ROBO1: variants seen among roughly 807,000 people sequenced by gnomAD.
ROBO1 encodes the protein roundabout homolog 1.
A neutral mutation model predicts 195.9 loss-of-function variants in ROBO1; 149 were observed. The observed-to-expected ratio is 0.76, with a 90% CI of 0.67 to 0.87. The LOEUF (loss-of-function observed/expected upper bound fraction) is 0.87, where lower values mean the gene tolerates loss of function less well. Among genes scored for constraint, ROBO1 ranks in the 40% least tolerant of loss-of-function variants. The pLI, the probability that ROBO1 is intolerant of heterozygous loss-of-function variation, is 0.00. For synonymous variants in ROBO1, 816 were observed against 733.2 expected, an observed-to-expected ratio of 1.11 and a Z score of -1.82; for missense variants, 1,933 against 2,068.3, an observed-to-expected ratio of 0.93 and a Z score of 1.27.
chr3:78,784,587 C>G (rs1265379132), intron 4 of ROBO1, among the ~76,000 whole-genome samples: 1 of 128,312 alleles, frequency 7.8e-6, no homozygotes, highest in Non-Finnish European at 1.7e-5. Context: ...TAACAATGAA[C>G]TTAAAAGTAA....
chr3:79,585,475 A>G (rs1003684371), intron 2 of ROBO1, among the ~76,000 whole-genome samples: 1 of 152,024 alleles, frequency 6.6e-6, no homozygotes, highest in Admixed American at 6.6e-5. Flanking sequence ...AGAAATATTT[A>G]TTATGAGATG....
intron 2 of ROBO1, among the ~76,000 whole-genome samples, chr3:79,467,440 A>C (rs1416109429): frequency 4.6e-5 from 7 of 151,182 alleles, no homozygotes; most frequent in Admixed American, 4.6e-4. Context: ...ACCCACATAA[A>C]CCCCAAACAC....
At chr3:78,742,734 A>G (rs2082562438) in intron 5 of ROBO1, among the ~76,000 whole-genome samples, 1 of 152,196 alleles carries the variant, frequency 6.6e-6, no homozygotes. Flanking sequence ...AAATGATTTA[A>G]AAGTTATTTA....
At chr3:79,372,743 A>T (rs1274279710) in intron 2 of ROBO1, among the ~76,000 whole-genome samples, 2 of 152,188 alleles carry the variant, frequency 1.3e-5, no homozygotes, top group African/African-American at 4.8e-5. Flanking sequence ...CAGTTTCCAG[A>T]ACTGTGAGAA....
intron 1 of ROBO1, among the ~76,000 whole-genome samples, chr3:79,619,787 G>C (rs2107969978): frequency 6.6e-6 from 1 of 152,136 alleles, no homozygotes; most frequent in African/African-American, 2.4e-5. Flanking sequence ...GACCCAGAGG[G>C]GACAGAAAAC....
At chr3:79,310,316 G>A (rs2033422624) in intron 2 of ROBO1, among the ~76,000 whole-genome samples, 1 of 152,166 alleles carries the variant, frequency 6.6e-6, no homozygotes. Context: ...TATTTATCAT[G>A]CTGCAAGAAA....
At position 78,710,136 on chromosome 3, in the gene ROBO1, C is replaced by T. The variant is rs78367443; in HGVS notation, c.1045+4261G>A. On this transcript the variant is annotated intron_variant, in intron 8 of 30. Coordinates refer to ENST00000464233, the MANE Select transcript of ROBO1 (RefSeq NM_002941.4). ...CCAGGTTGGAGTGCAAGGCAGGGTT[C>T]GCAGCTCACTGAAACTTCCCACTCG... is the stretch of plus-strand genomic sequence containing the variant. 1.0e-3 allele frequency among the ~76,000 whole-genome samples: 159 copies of T among 152,162 alleles called. 3 individuals carry two copies. In the East Asian group the frequency reaches 0.028, roughly 26 times the overall value.
chr3:78,639,954 C>T, intron 21 of ROBO1, 56 bp from the exon 22 acceptor site: 1 of 1,347,136 alleles, frequency 7.4e-7, no homozygotes, highest in Non-Finnish European at 1.0e-6. Flanking sequence ...GTAATATTTT[C>T]TATTTAAAAT....
At chr3:79,723,526 C>T (rs1702787936) in intron 1 of ROBO1, among the ~76,000 whole-genome samples, 1 of 152,212 alleles carries the variant, frequency 6.6e-6, no homozygotes, top group South Asian at 2.1e-4. Flanking sequence ...CCCCTACTCC[C>T]TAAAATCATG....
chr3:78,742,635 C>G (rs2082560147), intron 5 of ROBO1, among the ~76,000 whole-genome samples: 1 of 152,144 alleles, frequency 6.6e-6, no homozygotes, highest in Non-Finnish European at 1.5e-5. Flanking sequence ...ACAAAACACA[C>G]AGATGGTCTT....
intron 5 of ROBO1, among the ~76,000 whole-genome samples, chr3:78,745,650 G>C (rs770988567): frequency 4.6e-5 from 7 of 152,120 alleles, no homozygotes; most frequent in Non-Finnish European, 1.0e-4. Flanking sequence ...TGACTCTGCA[G>C]CACCTCTTAT....
Position 78,712,046 on chromosome 3 carries a change from A to C in ROBO1, c.1045+2351T>G, listed in dbSNP as rs867692776. The stretch of plus-strand genomic sequence containing the variant: ...AAAAAAAAAAAAAAAAAAAAAAAAA[A>C]AAAACTCTCAAATCAGGGTTCTTTT... On this transcript the variant is annotated intron_variant, in intron 8 of 30. Transcript: ENST00000464233. Among the ~76,000 whole-genome samples, 50 of 149,582 alleles carry C rather than the reference A, an allele frequency of 3.3e-4. No homozygotes were observed. In the South Asian group the frequency reaches 8.7e-3, roughly 26 times the overall value.
intron 2 of ROBO1, among the ~76,000 whole-genome samples, chr3:79,164,504 T>C (rs578027170): frequency 5.5e-4 from 83 of 152,258 alleles, no homozygotes; most frequent in Non-Finnish European, 1.0e-3. Flanking sequence ...CTACCATCAC[T>C]CTCATCTTGA....
chr3:79,021,066 A>G lies in ROBO1; in HGVS notation c.173-82139T>C, dbSNP rs180959998. Among the ~76,000 whole-genome samples the G allele has an allele frequency of 3.8e-4, 58 of 152,310 alleles. No homozygotes were observed. In the East Asian group the frequency reaches 0.011, roughly 28 times the overall value. ...CGACATTTTGTGGAAACTCTGGTTA[A>G]CAGCACCTATCTTTGAAAGTGAAAG... On this transcript the variant is annotated intron_variant, in intron 3 of 30. Coordinates refer to ENST00000464233, the MANE Select transcript of ROBO1 (RefSeq NM_002941.4).
intron 1 of ROBO1, among the ~76,000 whole-genome samples, chr3:79,610,511 C>A (rs1048333937): frequency 7.9e-5 from 12 of 151,922 alleles, no homozygotes; most frequent in African/African-American, 2.9e-4. Context: ...TGAAATTTTA[C>A]AAAATATTGG....
chr3:79,660,298 G>T (rs1946292134), intron 1 of ROBO1, among the ~76,000 whole-genome samples: 1 of 151,668 alleles, frequency 6.6e-6, no homozygotes, highest in African/African-American at 2.4e-5. Context: ...CAGCTCAAAG[G>T]CTATACATTA....
chr3:78,842,952 A>T (rs2033374734), intron 4 of ROBO1, among the ~76,000 whole-genome samples: 2 of 152,134 alleles, frequency 1.3e-5, no homozygotes, highest in Non-Finnish European at 2.9e-5. Flanking sequence ...AGGGATTGGA[A>T]ACCATATAAA....
In ROBO1 at chr3:79,439,327, A is replaced by G. The variant is rs1324600042; in HGVS notation, c.88+150497T>C. On this transcript the variant is annotated intron_variant, in intron 2 of 30. Transcript: ENST00000464233. ...CAATCTTTTCCCTCAATTTTAGGGG[A>G]AAAATGTTTCACAGCAAAGCAGCCT... is the stretch of plus-strand genomic sequence containing the variant. Among the ~76,000 whole-genome samples, 7 of 152,092 alleles carry G rather than the reference A, an allele frequency of 4.6e-5. No homozygotes were observed. In the South Asian group the frequency reaches 6.2e-4, roughly 13 times the overall value.
intron 1 of ROBO1, among the ~76,000 whole-genome samples, chr3:79,729,636 T>A (rs1703064781): frequency 1.3e-5 from 2 of 152,218 alleles, no homozygotes; most frequent in African/African-American, 4.8e-5. Context: ...CTAAAGCTTA[T>A]ACACATAATT....
Sources: gnomAD v4.1 joint callset for allele counts (sites outside exome capture counted in the v4.1 genomes callset) on GRCh38, gnomAD v4.1.1 for gene constraint, MANE v1.5 for transcripts, NCBI Gene and HGNC (gene_info 2026-07-23, HGNC 2026-07-21) for gene names.